Variants in ATRNL1 observed in about 807,000 individuals in gnomAD.
ATRNL1 encodes attractin-like protein 1.
In ATRNL1, 95 loss-of-function variants were observed where a neutral mutation model predicts 182.7. That is an observed-to-expected ratio of 0.52 (90% CI 0.44 to 0.62). The LOEUF is 0.62. Ranked by LOEUF, ATRNL1 falls within the 20% of genes least tolerant of loss-of-function variation. ATRNL1 has a pLI of 0.00. For missense variants in ATRNL1, 1,471 were observed against 1,679.5 expected (o/e 0.88, Z 2.17); for synonymous variants, 576 against 568.3 (o/e 1.01, Z -0.19).
At chr10:115,535,725 C>T (rs555686461) in intron 25 of ATRNL1, among the ~76,000 whole-genome samples, 2 of 151,956 alleles carry the variant, frequency 1.3e-5, no homozygotes, top group Admixed American at 6.6e-5. Context: ...TGTTTTTTCC[C>T]CATCTTTGTG....
At chr10:115,442,311 A>ATG (rs1445375021) in intron 21 of ATRNL1, among the ~76,000 whole-genome samples, 2 of 80,114 alleles carry the variant, frequency 2.5e-5, no homozygotes, top group Non-Finnish European at 5.3e-5. Flanking sequence ...CTCTGTGTGT[A>ATG]TGTGTGTGTG....
Position 115,300,058 on chromosome 10 carries a change from C to A in ATRNL1, c.2440C>A (p.Arg814Ser), listed in dbSNP as rs782117004. The change falls in exon 16 of 29, where the codon CGC (arginine) becomes AGC (serine). Residue 814 changes from arginine to serine, a missense_variant. Around this residue, in one of 3 missense-constraint regions of ATRNL1, gnomAD observed 1,031 missense variants for 1,156.0 expected, o/e 0.89. Coordinates refer to ENST00000355044, the MANE Select transcript of ATRNL1 (RefSeq NM_207303.4). ...GAAAGTATCACCTTGGGTAGGCTTG[C>A]GCAAGATCAATATATCCTATTGGGG... Reference protein sequence around the residue: ...QQKVSPWVGLRKINISYWGWE... With the variant: ...QQKVSPWVGLSKINISYWGWE... 1 of 1,612,702 alleles carries A rather than the reference C, an allele frequency of 6.2e-7. No homozygotes were observed.
intron 27 of ATRNL1, among the ~76,000 whole-genome samples, chr10:115,826,801 C>T (rs1179994113): frequency 1.3e-5 from 2 of 151,754 alleles, no homozygotes; most frequent in Non-Finnish European, 2.9e-5. Context: ...AGGCAACATT[C>T]GATTAAAAAA....
At chr10:115,549,384 C>G in intron 25 of ATRNL1, 74 bp from the exon 26 acceptor site, 1 of 1,001,100 alleles carries the variant, frequency 1.0e-6, no homozygotes, top group Non-Finnish European at 1.4e-6. Context: ...GTATTTGAGT[C>G]TTTCATGTAC....
At chr10:115,622,393 T>C (rs1329678415) in intron 26 of ATRNL1, among the ~76,000 whole-genome samples, 1 of 152,232 alleles carries the variant, frequency 6.6e-6, no homozygotes, top group Non-Finnish European at 1.5e-5. Context: ...AGCTATCCTG[T>C]AACTCATGTA....
At chr10:115,131,538 G>A (rs1554875163) in intron 5 of ATRNL1, among the ~76,000 whole-genome samples, 1 of 152,090 alleles carries the variant, frequency 6.6e-6, no homozygotes, top group African/African-American at 2.4e-5. Context: ...TCATTTAGGG[G>A]AAAATGATGT....
chr10:115,597,485 TG>T, intron 26 of ATRNL1: 2 of 339,998 alleles, frequency 5.9e-6, no homozygotes, highest in Non-Finnish European at 1.1e-5. Context: ...AATACAAATG[TG>T]GGTTAATAAT....
rs1458615438 is a variant in ATRNL1, at chr10:115,913,458, A to G, written c.4019-31200A>G. On this transcript the variant is annotated intron_variant, in intron 28 of 28. Transcript: ENST00000355044. ...TGCAAACCCCAAGCCAAAGTGCTTAACTACTGTAAAGCCACAGTTTCCTCA... is the reference window on the plus strand; with the variant it reads ...TGCAAACCCCAAGCCAAAGTGCTTAGCTACTGTAAAGCCACAGTTTCCTCA... 2.0e-5 allele frequency among the ~76,000 whole-genome samples: 3 copies of G among 152,248 alleles called. No homozygotes were observed. In the East Asian group the frequency reaches 5.8e-4, roughly 29 times the overall value.
intron 28 of ATRNL1, among the ~76,000 whole-genome samples, chr10:115,931,471 G>A (rs1478310670): frequency 6.6e-6 from 1 of 152,158 alleles, no homozygotes; most frequent in Non-Finnish European, 1.5e-5. Context: ...CAGCTGGATG[G>A]TGAACTGGCC....
At chr10:115,625,897 C>T (rs957531829) in intron 26 of ATRNL1, among the ~76,000 whole-genome samples, 8 of 152,122 alleles carry the variant, frequency 5.3e-5, no homozygotes, top group East Asian at 3.9e-4. Flanking sequence ...CCAACTTGTT[C>T]GTTCCTCTGT....
chr10:115,825,903 T>C (rs1046146871), intron 27 of ATRNL1, among the ~76,000 whole-genome samples: 3 of 152,162 alleles, frequency 2.0e-5, no homozygotes, highest in Non-Finnish European at 2.9e-5. Context: ...ACTTGAACTA[T>C]TCCACCTGTT....
At chr10:115,656,232 C>A (rs1353325019) in intron 26 of ATRNL1, among the ~76,000 whole-genome samples, 2 of 152,184 alleles carry the variant, frequency 1.3e-5, no homozygotes, top group African/African-American at 2.4e-5. Flanking sequence ...TCATCACCAG[C>A]ATGACTTATA....
Position 115,190,741 on chromosome 10 carries a change from T to C in ATRNL1, c.1348+19449T>C, listed in dbSNP as rs79835187. 4.0e-3 allele frequency among the ~76,000 whole-genome samples: 606 copies of C among 152,224 alleles called. 6 individuals carry two copies. Among genetic ancestry groups the C allele is most frequent in the African/African-American group, 0.014 (576 of 41,564 alleles). On this transcript the variant is annotated intron_variant, in intron 8 of 28. Transcript: ENST00000355044. The stretch of plus-strand genomic sequence containing the variant: ...ATTTCAGTTCTACTTGTTTAGTTAT[T>C]TATTGCTTTTGCATCAACCTAATAA...
intron 1 of ATRNL1, among the ~76,000 whole-genome samples, chr10:115,118,451 C>T (rs1554870620): frequency 6.6e-6 from 1 of 152,082 alleles, no homozygotes; most frequent in Non-Finnish European, 1.5e-5. Context: ...GGAGACTTGG[C>T]ATATTGGCAG....
chr10:115,654,453 A>T (rs1020150846), intron 26 of ATRNL1, among the ~76,000 whole-genome samples: 1 of 152,030 alleles, frequency 6.6e-6, no homozygotes, highest in Non-Finnish European at 1.5e-5. Flanking sequence ...TCCTGACCTC[A>T]GGTGATCCGC....
At chr10:115,125,970 C>A (rs540516895) in intron 3 of ATRNL1, among the ~76,000 whole-genome samples, 1 of 152,250 alleles carries the variant, frequency 6.6e-6, no homozygotes, top group South Asian at 2.1e-4. Flanking sequence ...TCCGAATTTC[C>A]TGGTGTATTA....
chr10:115,150,506 T>C (rs1333315956), intron 5 of ATRNL1, among the ~76,000 whole-genome samples: 1 of 152,132 alleles, frequency 6.6e-6, no homozygotes, highest in Non-Finnish European at 1.5e-5. Context: ...TTTTGCTGTA[T>C]CCAATAGCTT....
intron 28 of ATRNL1, among the ~76,000 whole-genome samples, chr10:115,855,435 T>C (rs1951157358): frequency 6.6e-6 from 1 of 152,216 alleles, no homozygotes; most frequent in African/African-American, 2.4e-5. Context: ...AGAGTTGCTA[T>C]GTTCTTTTCT....
At chr10:115,841,130 C>T (rs530984186) in intron 27 of ATRNL1, among the ~76,000 whole-genome samples, 2 of 152,138 alleles carry the variant, frequency 1.3e-5, no homozygotes, top group African/African-American at 4.8e-5. Context: ...TTCAGAGTCA[C>T]CTCCTATTAA....
Sources: allele counts gnomAD v4.1 joint callset (sites outside exome capture counted in the v4.1 genomes callset), GRCh38; gene constraint gnomAD v4.1.1; regional missense constraint gnomAD v4.1.1; transcripts MANE v1.5; gene names NCBI Gene and HGNC (gene_info 2026-07-23, HGNC 2026-07-21).